ROBO2: variants seen among roughly 807,000 people sequenced by gnomAD.
The protein encoded by ROBO2 is roundabout guidance receptor 2, also known as roundabout homolog 2.
ROBO2 carries 53 observed loss-of-function variants against 160.8 expected under a neutral mutation model. The observed-to-expected ratio is 0.33, with a 90% confidence interval of 0.26 to 0.41. The LOEUF is 0.41. Ranked by LOEUF, ROBO2 falls within the 10% of genes least tolerant of loss-of-function variation. The pLI, the probability that ROBO2 is intolerant of heterozygous loss-of-function variation, is 1.00. For synonymous variants in ROBO2, 664 were observed against 611.7 expected, an observed-to-expected ratio of 1.09 and a Z score of -1.26; for missense variants, 1,577 against 1,722.4, an observed-to-expected ratio of 0.92 and a Z score of 1.49.
intron 2 of ROBO2, among the ~76,000 whole-genome samples, chr3:76,973,987 G>A (rs1321804042): frequency 6.6e-6 from 1 of 152,136 alleles, no homozygotes; most frequent in Non-Finnish European, 1.5e-5. Flanking sequence ...CAGGACAAGA[G>A]GTTTTGAGTC....
chr3:76,719,794 G>C (rs1474644086), intron 2 of ROBO2, among the ~76,000 whole-genome samples: 2 of 151,196 alleles, frequency 1.3e-5, no homozygotes. Flanking sequence ...TGAGGCACGA[G>C]AATCGCTTGA....
At chr3:77,120,025 C>T (rs1036465572) in intron 2 of ROBO2, among the ~76,000 whole-genome samples, 3 of 151,984 alleles carry the variant, frequency 2.0e-5, no homozygotes, top group Non-Finnish European at 4.4e-5. Flanking sequence ...TTTAATAAAC[C>T]CTATTAAGCA....
At chr3:76,258,415 A>G (rs1164053164) in intron 2 of ROBO2, among the ~76,000 whole-genome samples, 1 of 152,002 alleles carries the variant, frequency 6.6e-6, no homozygotes, top group Non-Finnish European at 1.5e-5. Flanking sequence ...ACATTCTTAC[A>G]TTTTAAAAAT....
intron 2 of ROBO2, among the ~76,000 whole-genome samples, chr3:76,632,215 C>T (rs927657681): frequency 3.9e-5 from 6 of 152,196 alleles, no homozygotes; most frequent in Admixed American, 2.0e-4. Context: ...CACTTAACTT[C>T]AGTAGAATCC....
chr3:77,374,682 C>A (rs1219683059), intron 2 of ROBO2, among the ~76,000 whole-genome samples: 1 of 151,986 alleles, frequency 6.6e-6, no homozygotes, highest in East Asian at 1.9e-4. Context: ...ATAGAGTTTA[C>A]CATGTTGGTT....
chr3:76,350,084 G>C (rs140379024), intron 2 of ROBO2, among the ~76,000 whole-genome samples: 2 of 152,116 alleles, frequency 1.3e-5, no homozygotes, highest in Non-Finnish European at 2.9e-5. Flanking sequence ...GCAGAAATGA[G>C]AGAGTATTAA....
chr3:77,479,568 C>G (rs1438268407), intron 3 of ROBO2, among the ~76,000 whole-genome samples: 1 of 152,054 alleles, frequency 6.6e-6, no homozygotes, highest in Non-Finnish European at 1.5e-5. Flanking sequence ...ATATCGTTTT[C>G]TGAGCCCCAA....
chr3:77,470,950 A>G (rs1054177305), intron 2 of ROBO2, among the ~76,000 whole-genome samples: 3 of 152,190 alleles, frequency 2.0e-5, no homozygotes, highest in Admixed American at 2.0e-4. Context: ...GCGGTTTTCA[A>G]CTGCTGTTGG....
At chr3:76,719,960 T>C (rs1325159898) in intron 2 of ROBO2, among the ~76,000 whole-genome samples, 2 of 151,932 alleles carry the variant, frequency 1.3e-5, no homozygotes, top group Non-Finnish European at 2.9e-5. Context: ...TGAGAACTTA[T>C]CAAATATGGG....
chr3:76,434,784 A>G, intron 2 of ROBO2: 2 of 1,300,820 alleles, frequency 1.5e-6, no homozygotes, highest in Non-Finnish European at 1.1e-6. Context: ...TGCGCAGATT[A>G]ATCAGGGGGA....
chr3:77,393,796 C>A (rs1285800288), intron 2 of ROBO2, among the ~76,000 whole-genome samples: 2 of 151,732 alleles, frequency 1.3e-5, no homozygotes, highest in African/African-American at 4.8e-5. Context: ...ATATTTAACT[C>A]AATCAATGTG....
intron 2 of ROBO2, among the ~76,000 whole-genome samples, chr3:76,796,631 CA>C (rs1246503866): frequency 6.6e-6 from 1 of 151,926 alleles, no homozygotes; most frequent in African/African-American, 2.4e-5. Flanking sequence ...AAATGGACTA[CA>C]CTCTCCAATC....
chr3:77,405,225 G>A (rs1438029516), intron 2 of ROBO2, among the ~76,000 whole-genome samples: 2 of 152,118 alleles, frequency 1.3e-5, no homozygotes, highest in Non-Finnish European at 2.9e-5. Flanking sequence ...ATAAATGAGT[G>A]AATATGATAG....
At chr3:76,615,227 C>CTT (rs1165057319) in intron 2 of ROBO2, among the ~76,000 whole-genome samples, 2 of 150,996 alleles carry the variant, frequency 1.3e-5, no homozygotes, top group African/African-American at 4.9e-5. Context: ...TATTGCTGCT[C>CTT]TTTTTTATTA....
At chr3:76,385,829 A>T (rs1225383679) in intron 2 of ROBO2, among the ~76,000 whole-genome samples, 1 of 152,170 alleles carries the variant, frequency 6.6e-6, no homozygotes, top group Non-Finnish European at 1.5e-5. Flanking sequence ...TCATTAACAT[A>T]TTTATATCCC....
chr3:76,439,321 C>T (rs2076819293), intron 2 of ROBO2, among the ~76,000 whole-genome samples: 1 of 123,932 alleles, frequency 8.1e-6, no homozygotes, highest in Non-Finnish European at 1.8e-5. Flanking sequence ...GTACGAAGAG[C>T]TGAATCAGGA....
intron 2 of ROBO2, among the ~76,000 whole-genome samples, chr3:77,228,101 AC>A (rs2086707116): frequency 6.6e-6 from 1 of 152,210 alleles, no homozygotes; most frequent in Non-Finnish European, 1.5e-5. Flanking sequence ...CTTTAGAGAA[AC>A]ATTCAGCAGT....
At chr3:76,825,666 G>C (rs959677488) in intron 2 of ROBO2, among the ~76,000 whole-genome samples, 1 of 135,964 alleles carries the variant, frequency 7.4e-6, no homozygotes, top group Non-Finnish European at 1.5e-5. Flanking sequence ...TTTCACAAAA[G>C]GCAGTGTCTG....
chr3:77,296,913 C>T (rs2062193101), intron 2 of ROBO2, among the ~76,000 whole-genome samples: 1 of 152,266 alleles, frequency 6.6e-6, no homozygotes, highest in Non-Finnish European at 1.5e-5. Flanking sequence ...TGTCTTTCCA[C>T]CACCTCGTGT....
Sources: gnomAD v4.1 joint callset for allele counts (sites outside exome capture counted in the v4.1 genomes callset) on GRCh38, gnomAD v4.1.1 for gene constraint, MANE v1.5 for transcripts, NCBI Gene and HGNC (gene_info 2026-07-23, HGNC 2026-07-21) for gene names.